The following ELFN2 variants were observed in gnomAD, a reference collection of about 807,000 sequenced individuals.
ELFN2 encodes extracellular leucine rich repeat and fibronectin type III domain containing 2.
Under a neutral mutation model 45.5 loss-of-function variants are expected in ELFN2, and 17 were observed. The ratio of observed to expected loss-of-function variants is 0.37; its 90% CI spans 0.26 to 0.56. ELFN2 has a LOEUF of 0.56. Among genes scored for constraint, ELFN2 ranks in the 20% least tolerant of loss-of-function variants. The pLI is 0.77. For synonymous variants in ELFN2, 550 were observed against 551.5 expected (o/e 1.00, Z 0.04); for missense variants, 922 against 1,183.2 (o/e 0.78, Z 3.24).
rs1478666958 is a variant in ELFN2, at chr22:37,374,251, C to T, written c.1284G>A (p.Lys428=). 8.1e-6 allele frequency: 13 copies of T among 1,614,024 alleles called. No homozygotes were observed. The highest frequency in any genetic ancestry group is 2.2e-5 in the East Asian group (1 of 44,886). Residue 428 remains lysine, a synonymous_variant, in exon 3 of 3, where the codon AAG becomes AAA. Transcript: ENST00000402918. The part of the protein sequence containing the change: ...CLRKRRMQEE[K]QKSVNVKKTI... ...TCTTCTTGACGTTGACAGACTTCTG[C>T]TTCTCCTCCTGCATGCGCCGCTTGC...
intron 2 of ELFN2, among the ~76,000 whole-genome samples, chr22:37,408,374 G>A (rs1157297169): frequency 6.6e-6 from 1 of 152,226 alleles, no homozygotes; most frequent in Non-Finnish European, 1.5e-5. Flanking sequence ...CTCCCACCTG[G>A]TCATGGGGCC....
In ELFN2 at chr22:37,374,183, G is replaced by A. The variant is rs1381367358; in HGVS notation, c.1352C>T (p.Ser451Phe). The A allele has an allele frequency of 6.2e-7, 1 of 1,613,332 alleles. No individual in the cohort carries two copies. Among genetic ancestry groups the A allele is most frequent in the Middle Eastern group, 1.6e-4 (1 of 6,062 alleles). Residue 451 changes from serine to phenylalanine, a missense_variant, in exon 3 of 3, where the codon TCC becomes TTC. Ser to Phe is a radical substitution (Grantham distance 155). This residue lies in a region of ELFN2 where 564 missense variants were observed against 642.8 expected (regional missense o/e 0.88). Coordinates refer to ENST00000402918, the MANE Select transcript of ELFN2 (RefSeq NM_052906.5). ...CAGCTTCTGGGCGGCGTGCACAATG[G>A]AGCCGGCATCCACATCAGCCCCGTA... ...MRYGADVDAGSIVHAAQKLGE... is the reference protein window; with the variant it reads ...MRYGADVDAGFIVHAAQKLGE...
At chr22:37,423,269 C>T (rs1036518866) in intron 1 of ELFN2, among the ~76,000 whole-genome samples, 1 of 152,126 alleles carries the variant, frequency 6.6e-6, no homozygotes, top group Non-Finnish European at 1.5e-5. Context: ...CCACGAGGCC[C>T]CTCCTTTCCT....
chr22:37,383,678 C>T lies in ELFN2; in HGVS notation c.-462-7682G>A, dbSNP rs548691671. 6.6e-5 allele frequency among the ~76,000 whole-genome samples: 10 copies of T among 152,366 alleles called. No individual in the cohort carries two copies. The East Asian group carries it at 1.2e-3, about 18-fold the overall frequency. ...GCCGCACACCCACCCACGTTGCTTA[C>T]GCGTTCCACATGTATTCCCTGAACA... is the stretch of plus-strand genomic sequence containing the variant. On this transcript the variant is annotated intron_variant, in intron 2 of 2. Transcript: ENST00000402918.
chr22:37,365,699 A>T (rs1246805622), downstream of ELFN2, among the ~76,000 whole-genome samples: 3 of 152,058 alleles, frequency 2.0e-5, no homozygotes, highest in South Asian at 6.2e-4. Flanking sequence ...TGTTTGCAGC[A>T]CCCAGGTCCT....
intron 2 of ELFN2, among the ~76,000 whole-genome samples, chr22:37,410,979 C>G (rs1932635176): frequency 6.6e-6 from 1 of 152,310 alleles, no homozygotes; most frequent in African/African-American, 2.4e-5. Flanking sequence ...TCTAGAAGGG[C>G]CCCTGAAGCC....
intron 1 of ELFN2, among the ~76,000 whole-genome samples, chr22:37,345,019 A>AGT: frequency 6.6e-6 from 1 of 152,142 alleles, no homozygotes; most frequent in African/African-American, 2.4e-5. Context: ...CTGAGGGGCC[A>AGT]CGCTCCCGTC....
intron 1 of ELFN2, among the ~76,000 whole-genome samples, chr22:37,422,932 A>G (rs980655041): frequency 8.5e-6 from 1 of 117,292 alleles, no homozygotes; most frequent in Non-Finnish European, 1.7e-5. Flanking sequence ...CATATTGAGG[A>G]AACTGGGCCT....
chr22:37,377,608 A>G (rs6000701), intron 2 of ELFN2, among the ~76,000 whole-genome samples: 114,116 of 152,172 alleles, frequency 0.75, 42,842 homozygotes, highest in Admixed American at 0.81. Context: ...AAGAAGTCCG[A>G]GGTGGGGATG....
In ELFN2 at chr22:37,356,321, A is replaced by AC. The variant is rs577647353; in HGVS notation, n.149-13619dup. On this transcript the variant is annotated intron_variant and non_coding_transcript_variant, in intron 1 of 2. Transcript: ENST00000452946. The stretch of plus-strand genomic sequence containing the variant: ...CAGTTGCACTTGAGGTGGGCTGAAC[A>AC]CCCCAGAGGGTCTACAGCATGGGGC... Among the ~76,000 whole-genome samples the AC allele has an allele frequency of 2.6e-5, 4 of 152,166 alleles. No homozygotes were observed. The East Asian group carries it at 7.7e-4, about 29-fold the overall frequency.
chr22:37,399,702 C>T (rs1202218867), intron 2 of ELFN2, among the ~76,000 whole-genome samples: 1 of 152,000 alleles, frequency 6.6e-6, no homozygotes, highest in Non-Finnish European at 1.5e-5. Flanking sequence ...CCCACTGAGC[C>T]CCCTGCGTCG....
At chr22:37,350,880 G>A (rs1287397629) in intron 1 of ELFN2, among the ~76,000 whole-genome samples, 1 of 150,028 alleles carries the variant, frequency 6.7e-6, no homozygotes, top group African/African-American at 2.4e-5. Context: ...CCCCTCTCAG[G>A]ACTCCTCCAC....
intron 1 of ELFN2, among the ~76,000 whole-genome samples, chr22:37,355,223 C>T (rs965578362): frequency 9.9e-5 from 15 of 152,218 alleles, no homozygotes; most frequent in Non-Finnish European, 1.5e-4. Flanking sequence ...CTCAGTCTCA[C>T]GTGGGCCACA....
intron 2 of ELFN2, among the ~76,000 whole-genome samples, chr22:37,376,459 A>G (rs1183613047): frequency 6.6e-6 from 1 of 152,216 alleles, no homozygotes; most frequent in East Asian, 1.9e-4. Context: ...AGGCCCATAC[A>G]CACGTGTCCA....
chr22:37,406,410 T>G (rs1388113019), intron 2 of ELFN2, among the ~76,000 whole-genome samples: 1 of 152,096 alleles, frequency 6.6e-6, no homozygotes, highest in Non-Finnish European at 1.5e-5. Flanking sequence ...GCTGCACATC[T>G]CGGGATTCAC....
chr22:37,362,943 G>A (rs1365785696), intron 1 of ELFN2, among the ~76,000 whole-genome samples: 1 of 152,162 alleles, frequency 6.6e-6, no homozygotes, highest in East Asian at 1.9e-4. Context: ...GCCCTAGAAT[G>A]AGAGTCCACA....
chr22:37,360,413 C>G (rs530764344), intron 1 of ELFN2, among the ~76,000 whole-genome samples: 1 of 152,220 alleles, frequency 6.6e-6, no homozygotes, highest in African/African-American at 2.4e-5. Flanking sequence ...AGAACTCAAA[C>G]GGCCTCATGC....
At chr22:37,390,595 C>T (rs1932064692) in intron 2 of ELFN2, among the ~76,000 whole-genome samples, 1 of 43,618 alleles carries the variant, frequency 2.3e-5, no homozygotes, top group Admixed American at 2.9e-4. Context: ...TCAAAGGCAT[C>T]CTCAGATCCG....
At chr22:37,396,440 G>A (rs1049917840) in intron 2 of ELFN2, among the ~76,000 whole-genome samples, 1 of 152,184 alleles carries the variant, frequency 6.6e-6, no homozygotes, top group African/African-American at 2.4e-5. Flanking sequence ...CAAACCCCAG[G>A]AGCAGAGCTG....
Sources: gnomAD v4.1 joint callset for allele counts (sites outside exome capture counted in the v4.1 genomes callset) on GRCh38, gnomAD v4.1.1 for gene constraint, gnomAD v4.1.1 regional missense constraint, MANE v1.5 for transcripts, NCBI Gene and HGNC (gene_info 2026-07-23, HGNC 2026-07-21) for gene names.